Variants in WWOX observed in about 807,000 individuals in gnomAD.
WWOX encodes the protein WW domain containing oxidoreductase.
Under a neutral mutation model 46.2 loss-of-function variants are expected in WWOX, and 69 were observed. The ratio of observed to expected loss-of-function variants is 1.49; its 90% CI spans 1.23 to 1.82. The LOEUF (loss-of-function observed/expected upper bound fraction) is 1.82. Among genes scored for constraint, WWOX ranks in the 40% most tolerant of loss-of-function variants. The probability of loss-of-function intolerance (pLI) is 0.00; values close to 1 mark genes in which losing one functional copy is unlikely to be tolerated. For synonymous variants in WWOX, 359 were observed against 202.6 expected (o/e 1.77, Z -6.56); for missense variants, 919 against 542.6 (o/e 1.69, Z -6.89).
intron 8 of WWOX, among the ~76,000 whole-genome samples, chr16:78,467,455 G>GTA (rs2084108002): frequency 6.6e-6 from 1 of 152,128 alleles, no homozygotes; most frequent in South Asian, 2.1e-4. Flanking sequence ...ATTAAAGACT[G>GTA]TAGACTAAGG....
At chr16:78,809,591 C>T (rs1410905190) in intron 8 of WWOX, among the ~76,000 whole-genome samples, 2 of 152,112 alleles carry the variant, frequency 1.3e-5, no homozygotes, top group Non-Finnish European at 2.9e-5. Flanking sequence ...TGTCTTCTTT[C>T]CCTCCTCCTA....
At chr16:79,078,272 A>T (rs915673082) in intron 8 of WWOX, 1 of 151,934 alleles carries the variant, frequency 6.6e-6, no homozygotes, top group Non-Finnish European at 1.5e-5. Context: ...TGGTGACACA[A>T]CTCTTCCTTG....
At chr16:79,117,828 C>T (rs951803568) in intron 8 of WWOX, among the ~76,000 whole-genome samples, 8 of 152,230 alleles carry the variant, frequency 5.3e-5, no homozygotes, top group Non-Finnish European at 8.8e-5. Context: ...AGCTTCCTCA[C>T]CCCTCTCAGC....
At chr16:78,455,907 AT>A (rs1426768804) in intron 8 of WWOX, among the ~76,000 whole-genome samples, 1 of 152,114 alleles carries the variant, frequency 6.6e-6, no homozygotes, top group African/African-American at 2.4e-5. Context: ...TTTAACTAGT[AT>A]TTGTGTTAAC....
intron 8 of WWOX, among the ~76,000 whole-genome samples, chr16:79,063,287 C>G (rs1050549521): frequency 2.0e-5 from 3 of 152,216 alleles, no homozygotes; most frequent in Non-Finnish European, 4.4e-5. Flanking sequence ...CGCCTCTGCT[C>G]TTTATAGCCG....
intron 5 of WWOX, among the ~76,000 whole-genome samples, chr16:78,260,241 C>G (rs768874749): frequency 6.6e-5 from 10 of 151,574 alleles, no homozygotes; most frequent in Non-Finnish European, 1.2e-4. Flanking sequence ...AGCAGTGTTA[C>G]TGGGAAGAGG....
At chr16:79,207,810 T>C (rs1054016471) in intron 8 of WWOX, among the ~76,000 whole-genome samples, 2 of 152,068 alleles carry the variant, frequency 1.3e-5, no homozygotes, top group Non-Finnish European at 2.9e-5. Context: ...TTACCATATA[T>C]TGTTTATCAG....
At chr16:78,817,426 C>G (rs534154729) in intron 8 of WWOX, among the ~76,000 whole-genome samples, 130 of 152,276 alleles carry the variant, frequency 8.5e-4, no homozygotes, top group African/African-American at 3.1e-3. Flanking sequence ...ATATCTTCAG[C>G]TACCAACAAT....
chr16:78,147,696 TAAAA>T (rs754297519), intron 4 of WWOX, among the ~76,000 whole-genome samples: 19,984 of 104,112 alleles, frequency 0.19, 1,964 homozygotes, highest in East Asian at 0.3. Flanking sequence ...TTTTTTTTTT[TAAAA>T]AAAAAAAAGG....
At chr16:78,335,986 G>A (rs966342776) in intron 5 of WWOX, among the ~76,000 whole-genome samples, 2 of 152,086 alleles carry the variant, frequency 1.3e-5, no homozygotes, top group Non-Finnish European at 2.9e-5. Context: ...CAGCTATTTG[G>A]AAGGCTGGGG....
intron 8 of WWOX, among the ~76,000 whole-genome samples, chr16:78,960,464 C>T (rs532695472): frequency 3.3e-5 from 5 of 152,320 alleles, no homozygotes; most frequent in African/African-American, 9.6e-5. Flanking sequence ...TCATGAAAAT[C>T]ATTTATTTGC....
In WWOX at chr16:79,091,039, C is replaced by T. The variant is rs992110418; in HGVS notation, c.1057-120569C>T. 1.8e-4 allele frequency among the ~76,000 whole-genome samples: 27 copies of T among 152,188 alleles called. 2 individuals are homozygous for T. Among genetic ancestry groups the T allele is most frequent in the Admixed American group, 1.2e-3 (18 of 15,292 alleles). ...CTGACCTCAGGTGATCCACCCACAT[C>T]GGCCTCCCAAAGTACTGGGATTATA... On this transcript the variant is annotated intron_variant, in intron 8 of 8. Coordinates refer to ENST00000566780, the MANE Select transcript of WWOX (RefSeq NM_016373.4).
intron 8 of WWOX, among the ~76,000 whole-genome samples, chr16:78,573,452 T>G (rs2346008): frequency 0.11 from 16,248 of 152,272 alleles, 897 homozygotes; most frequent in Middle Eastern, 0.14. Context: ...CACCCTGTGA[T>G]TTGAATTTTC....
intron 5 of WWOX, among the ~76,000 whole-genome samples, chr16:78,212,914 A>G (rs1352861464): frequency 6.6e-6 from 1 of 152,110 alleles, no homozygotes; most frequent in Non-Finnish European, 1.5e-5. Context: ...TTCATTTCCC[A>G]TTCGTGATAT....
At chr16:78,862,100 ATC>A (rs1292662568) in intron 8 of WWOX, among the ~76,000 whole-genome samples, 2 of 151,876 alleles carry the variant, frequency 1.3e-5, no homozygotes, top group African/African-American at 4.8e-5. Context: ...GTGTGTCTGT[ATC>A]TATACACACA....
At chr16:78,999,791 A>G (rs2047058912) in intron 8 of WWOX, among the ~76,000 whole-genome samples, 1 of 152,184 alleles carries the variant, frequency 6.6e-6, no homozygotes, top group African/African-American at 2.4e-5. Context: ...GGATACACTA[A>G]AAGTGCAGAC....
At chr16:78,540,165 T>C (rs2043857424) in intron 8 of WWOX, among the ~76,000 whole-genome samples, 1 of 151,978 alleles carries the variant, frequency 6.6e-6, no homozygotes, top group Non-Finnish European at 1.5e-5. Context: ...TTCATATATT[T>C]AGGTATAGTT....
chr16:78,822,482 G>A (rs867212633), intron 8 of WWOX, among the ~76,000 whole-genome samples: 44 of 150,046 alleles, frequency 2.9e-4, no homozygotes, highest in African/African-American at 9.6e-4. Flanking sequence ...AGACAGAGCC[G>A]AGACTCTGTC....
chr16:78,691,495 C>T (rs1289211087), intron 8 of WWOX, among the ~76,000 whole-genome samples: 1 of 151,944 alleles, frequency 6.6e-6, no homozygotes, highest in Non-Finnish European at 1.5e-5. Context: ...TGGTTAGAGC[C>T]TAGGAGTTCG....
Sources: gnomAD v4.1 joint callset for allele counts (sites outside exome capture counted in the v4.1 genomes callset) on GRCh38, gnomAD v4.1.1 for gene constraint, MANE v1.5 for transcripts, NCBI Gene and HGNC (gene_info 2026-07-23, HGNC 2026-07-21) for gene names.